Variants in MLH3 observed in about 807,000 individuals in gnomAD.
The protein encoded by MLH3 is mutL homolog 3, also known as DNA mismatch repair protein Mlh3.
MLH3 carries 82 observed loss-of-function variants against 122.2 expected under a neutral mutation model. That is an observed-to-expected ratio of 0.67 (90% CI 0.56 to 0.81). The LOEUF is 0.81. MLH3 is among the 30% of genes least tolerant of loss of function. The probability of loss-of-function intolerance (pLI) is 0.00; values close to 1 mark genes in which losing one functional copy is unlikely to be tolerated. For synonymous variants in MLH3, 524 were observed against 599.5 expected, an observed-to-expected ratio of 0.87 and a Z score of 1.84; for missense variants, 1,539 against 1,714.5, an observed-to-expected ratio of 0.90 and a Z score of 1.81.
At chr14:75,017,265 G>C (rs532526372) in intron 12 of MLH3, 64 bp from the exon 13 acceptor site, 1 of 1,553,106 alleles carries the variant, frequency 6.4e-7, no homozygotes, top group East Asian at 2.3e-5. Context: ...CAGGCTGGGC[G>C]AGGTGACTCA....
chr14:75,051,225 C>T (rs1892639502), intron 1 of MLH3, among the ~76,000 whole-genome samples, 155 bp downstream of exon 1: 1 of 152,092 alleles, frequency 6.6e-6, no homozygotes, highest in South Asian at 2.1e-4. Context: ...CCGTCCTTGT[C>T]CCCAAACTGG....
chr14:75,019,341 CG>C (rs28757049), intron 11 of MLH3, among the ~76,000 whole-genome samples: 2,841 of 126,920 alleles, frequency 0.022, 53 homozygotes, highest in African/African-American at 0.054. Flanking sequence ...ACCCAGGAGG[CG>C]GGGGTTGCAG....
At chr14:75,023,450 C>T (rs1406869179) in intron 9 of MLH3, among the ~76,000 whole-genome samples, 1 of 152,220 alleles carries the variant, frequency 6.6e-6, no homozygotes, top group Non-Finnish European at 1.5e-5. Flanking sequence ...AACCACTGCT[C>T]AGTATAACAC....
At position 75,048,316 on chromosome 14, in the gene MLH3, C is replaced by T; in HGVS notation, c.1340G>A (p.Gly447Asp). 1 of 1,614,040 alleles carries T rather than the reference C, an allele frequency of 6.2e-7. No individual in the cohort carries two copies. The highest frequency in any genetic ancestry group is 8.5e-7 in the Non-Finnish European group (1 of 1,180,022). Reference sequence around the variant, plus strand: ...CTCTGTCATTTTGCTATGGCCTGGACCACCTGATTCATAAATGTACAAAAA... The same window carrying T: ...CTCTGTCATTTTGCTATGGCCTGGATCACCTGATTCATAAATGTACAAAAA... ...DAFLYIYESG[G>D]PGHSKMTEPS... Residue 447 changes from glycine (G) to aspartate (D), a missense_variant, in exon 2 of 13, where the codon GGT (glycine) becomes GAT (aspartate). By Grantham distance (94) the Gly-to-Asp change is moderately conservative (BLOSUM62 -1). Coordinates refer to ENST00000355774, the MANE Select transcript of MLH3 (RefSeq NM_001040108.2).
rs945708476 is a variant in MLH3 at position 75,023,112 on chromosome 14, C to A, written c.3988-94G>T. On this transcript the variant is annotated intron_variant, in intron 9 of 12. Coordinates refer to ENST00000355774, the MANE Select transcript of MLH3 (RefSeq NM_001040108.2). ...AATATCTCAATTTTCTTCTTTAAAT[C>A]ATGCCTCCTGAAAGAAAGAGTTCCA... The A allele has an allele frequency of 5.0e-6, 7 of 1,393,238 alleles. No homozygotes were observed. The African/African-American group carries it at 9.9e-5, about 20-fold the overall frequency. 86.3% of individuals were successfully genotyped at this position (1,393,238 alleles called of 1,614,324 possible).
Position 75,049,286 on chromosome 14 carries a change from A to G in MLH3, c.370T>C (p.Phe124Leu). 6.2e-7 allele frequency: 1 copy of G among 1,614,256 alleles called. No homozygotes were observed. Among genetic ancestry groups the G allele is most frequent in the Admixed American group, 1.7e-5 (1 of 60,024 alleles). ...GCTTTCAGGGCTTTTCCACTCTGAA[A>G]CAGTTTCACAAAAGTTTTCATTGTC... ...NRTMKTFVKL[F>L]QSGKALKACE... Residue 124 changes from phenylalanine to leucine, a missense_variant, in exon 2 of 13, where the codon TTT becomes CTT. By Grantham distance (22) the Phe-to-Leu change is conservative (BLOSUM62 0). Transcript: ENST00000355774.
intron 12 of MLH3, among the ~76,000 whole-genome samples, chr14:75,017,502 C>T (rs558619758): frequency 6.6e-6 from 1 of 151,786 alleles, no homozygotes; most frequent in South Asian, 2.1e-4. Flanking sequence ...GATCATGCCA[C>T]TGCACTCCAG....
chr14:75,024,498 G>A (rs1176978287), intron 9 of MLH3, among the ~76,000 whole-genome samples: 1 of 149,418 alleles, frequency 6.7e-6, no homozygotes, highest in African/African-American at 2.5e-5. Flanking sequence ...ACTGCACCTG[G>A]CCGTATTTAT....
chr14:75,048,230 T>C lies in MLH3; in HGVS notation c.1426A>G (p.Ile476Val). 3.7e-6 allele frequency: 6 copies of C among 1,613,842 alleles called. No homozygotes were observed. In the South Asian group the frequency reaches 6.6e-5, roughly 18 times the overall value. ...SESKMLEQET[I>V]VASEAGENEK... ...TTTTCTCCAGCTTCTGATGCTACAA[T>C]TGTCTCTTGTTCTAACATCTTTGAT... Residue 476 changes from isoleucine (I) to valine (V), a missense_variant, in exon 2 of 13, where the codon ATT (isoleucine) becomes GTT (valine). Ile to Val is a conservative substitution (Grantham distance 29). Transcript: ENST00000355774.
chr14:75,017,382 C>CA (rs1317539486), intron 12 of MLH3, among the ~76,000 whole-genome samples, 181 bp from the exon 13 acceptor site: 7 of 151,102 alleles, frequency 4.6e-5, no homozygotes, highest in Non-Finnish European at 5.9e-5. Context: ...ACTAAAAATA[C>CA]AAAAAAAAAT....
chr14:75,019,894 TA>T (rs1890162119), intron 11 of MLH3, among the ~76,000 whole-genome samples: 1 of 152,066 alleles, frequency 6.6e-6, no homozygotes, highest in Non-Finnish European at 1.5e-5. Flanking sequence ...TATGGTCTAA[TA>T]GGGGAGACAA....
rs372695105 is a variant in MLH3 at position 75,039,248 on chromosome 14, C to T, written c.3570+663G>A. 5.9e-5 allele frequency among the ~76,000 whole-genome samples: 9 copies of T among 152,186 alleles called. No homozygotes were observed. The East Asian group carries it at 1.7e-3, about 29-fold the overall frequency. The stretch of plus-strand genomic sequence containing the variant: ...CTAGGTACTTGAGGCTCTCCAATAC[C>T]CCCGAGCCTATACCACTGCCCCAGG... On this transcript the variant is annotated intron_variant, in intron 5 of 12. Coordinates refer to ENST00000355774, the MANE Select transcript of MLH3 (RefSeq NM_001040108.2).
chr14:75,047,822 C>T lies in MLH3; in HGVS notation c.1834G>A (p.Val612Ile). Reference protein sequence around the residue: ...KLCSTGFITHVVQNEKTKSTE... With the variant: ...KLCSTGFITHIVQNEKTKSTE... ...GATTTAGTTTTTTCATTTTGTACTA[C>T]ATGAGTTATAAAGCCAGTGGAACAT... is the stretch of plus-strand genomic sequence containing the variant. Residue 612 changes from valine (V) to isoleucine (I), a missense_variant, in exon 2 of 13, where the codon GTA (valine) becomes ATA (isoleucine). Transcript: ENST00000355774. 1 of 1,613,902 alleles carries T rather than the reference C, an allele frequency of 6.2e-7. No homozygotes were observed. The highest frequency in any genetic ancestry group is 1.1e-5 in the South Asian group (1 of 90,944).
At position 75,017,020 on chromosome 14, in the gene MLH3, C is replaced by G; in HGVS notation, c.*62G>C. 5.0e-6 allele frequency: 8 copies of G among 1,599,204 alleles called. No homozygotes were observed. The highest frequency in any genetic ancestry group is 6.8e-6 in the Non-Finnish European group (8 of 1,169,344). On this transcript the variant is annotated 3_prime_UTR_variant, in exon 13 of 13. Coordinates refer to ENST00000355774, the MANE Select transcript of MLH3 (RefSeq NM_001040108.2). ...GCCGTGCTGGTACCTGCTGCTGCTG[C>G]TCTCTGCTCAGAGGCATACAGTGAA...
intron 6 of MLH3, among the ~76,000 whole-genome samples, chr14:75,035,413 T>C (rs1179326420): frequency 1.3e-5 from 2 of 152,078 alleles, no homozygotes; most frequent in African/African-American, 4.8e-5. Context: ...TTCCAGCTAC[T>C]TGGAAGGCTG....
At chr14:75,039,845 C>CTATATATATATATATA (rs1566594267) in intron 5 of MLH3, 66 bp downstream of exon 5, 1 of 316,432 alleles carries the variant, frequency 3.2e-6, no homozygotes, top group East Asian at 1.7e-4. Flanking sequence ...AAGAGTTAGG[C>CTATATATATATATATA]CATATATATA....
chr14:75,033,770 TTC>T (rs1891207037), intron 6 of MLH3, among the ~76,000 whole-genome samples: 1 of 152,214 alleles, frequency 6.6e-6, no homozygotes, highest in Non-Finnish European at 1.5e-5. Context: ...CCCTTCTAGT[TTC>T]TCTCTCCAGA....
intron 9 of MLH3, 117 bp downstream of exon 9, chr14:75,030,426 C>T (rs1350607478): frequency 9.7e-7 from 1 of 1,034,562 alleles, no homozygotes; most frequent in Non-Finnish European, 1.5e-6. Context: ...TCCTGGCACA[C>T]CGCAGGTAAA....
intron 5 of MLH3, 149 bp from the exon 6 acceptor site, chr14:75,038,561 GA>G (rs2139457224): frequency 3.0e-6 from 2 of 667,244 alleles, no homozygotes; most frequent in East Asian, 5.6e-5. Flanking sequence ...TGATGAACCA[GA>G]AAAAGTCACT....
Sources: gnomAD v4.1 joint callset for allele counts (sites outside exome capture counted in the v4.1 genomes callset) on GRCh38, gnomAD v4.1.1 for gene constraint, MANE v1.5 for transcripts, NCBI Gene and HGNC (gene_info 2026-07-23, HGNC 2026-07-21) for gene names.